TYR: variants seen among roughly 807,000 people sequenced by gnomAD.
TYR encodes tyrosinase.
In TYR, 58 loss-of-function variants were observed where a neutral mutation model predicts 51.5. The ratio of observed to expected loss-of-function variants is 1.13; its 90% CI spans 0.91 to 1.40. The LOEUF is 1.40. TYR is among the 40% of genes most tolerant of loss of function. The probability of loss-of-function intolerance (pLI) is 0.00; values close to 1 mark genes in which losing one functional copy is unlikely to be tolerated. For synonymous variants in TYR, 263 were observed against 235.2 expected, an observed-to-expected ratio of 1.12 and a Z score of -1.08; for missense variants, 732 against 647.4, an observed-to-expected ratio of 1.13 and a Z score of -1.42.
At chr11:89,254,322 T>C (rs1298797558) in intron 3 of TYR, among the ~76,000 whole-genome samples, 1 of 151,790 alleles carries the variant, frequency 6.6e-6, no homozygotes, top group Non-Finnish European at 1.5e-5. Context: ...GGTTTTGGTG[T>C]TCGGGTGATA....
chr11:89,230,409 T>C (rs186495282), intron 3 of TYR, among the ~76,000 whole-genome samples: 1 of 152,144 alleles, frequency 6.6e-6, no homozygotes, highest in African/African-American at 2.4e-5. Context: ...AATATAGGGA[T>C]TAGAAATTGT....
At chr11:89,216,663 A>AT in intron 2 of TYR, among the ~76,000 whole-genome samples, 1 of 150,742 alleles carries the variant, frequency 6.6e-6, no homozygotes, top group Non-Finnish European at 1.5e-5. Flanking sequence ...AAAAAAAAAA[A>AT]AAAAAATAGG....
At chr11:89,235,086 A>T (rs954030379) in intron 3 of TYR, among the ~76,000 whole-genome samples, 5 of 152,288 alleles carry the variant, frequency 3.3e-5, no homozygotes, top group Non-Finnish European at 4.4e-5. Flanking sequence ...AAAAATGCTC[A>T]ATATCACTAA....
chr11:89,195,030 T>C (rs887100743), intron 2 of TYR, among the ~76,000 whole-genome samples: 1 of 152,118 alleles, frequency 6.6e-6, no homozygotes, highest in Admixed American at 6.5e-5. Context: ...ACATCATGAA[T>C]AGGACAGGGA....
At chr11:89,248,533 G>C (rs1482810601) in intron 3 of TYR, among the ~76,000 whole-genome samples, 2 of 152,080 alleles carry the variant, frequency 1.3e-5, no homozygotes, top group Non-Finnish European at 2.9e-5. Flanking sequence ...AGCTTGTCTT[G>C]CTTCAGGTTT....
rs528867966 is a variant in TYR at position 89,217,217 on chromosome 11, G to A, written c.1037-10606G>A. Among the ~76,000 whole-genome samples the A allele has an allele frequency of 5.9e-5, 9 of 152,236 alleles. No individual in the cohort carries two copies. In the East Asian group the frequency reaches 1.5e-3, roughly 26 times the overall value. On this transcript the variant is annotated intron_variant, in intron 2 of 4. Coordinates refer to ENST00000263321, the MANE Select transcript of TYR (RefSeq NM_000372.5). ...AGACCTTTCAAGTTATTAAAAATGC[G>A]AACATTTATTATCTAACTTAGGAAG...
At position 89,178,271 on chromosome 11, in the gene TYR, C is replaced by T; in HGVS notation, c.318C>T (p.Gly106=). 2 of 1,614,170 alleles carry T rather than the reference C, an allele frequency of 1.2e-6. No homozygotes were observed. The highest frequency in any genetic ancestry group is 1.7e-6 in the Non-Finnish European group (2 of 1,180,036). ...MGFNCGNCKF[G]FWGPNCTERR... is the part of the protein sequence containing the mutation. ...TCAACTGTGGAAACTGCAAGTTTGG[C>T]TTTTGGGGACCAAACTGCACAGAGA... The change falls in exon 1 of 5, where the codon GGC becomes GGT. Residue 106 remains glycine (G), a synonymous_variant. Transcript: ENST00000263321.
At chr11:89,191,562 C>A in intron 2 of TYR, 144 bp downstream of exon 2, 1 of 773,368 alleles carries the variant, frequency 1.3e-6, no homozygotes, top group Non-Finnish European at 2.1e-6. Flanking sequence ...TCGACAATGA[C>A]CCTAGCTGAC....
chr11:89,262,846 C>T (rs1353305118), intron 3 of TYR, among the ~76,000 whole-genome samples: 11 of 34,214 alleles, frequency 3.2e-4, no homozygotes, highest in African/African-American at 2.7e-3. Context: ...AGCTACTCAT[C>T]CAAAAAAAAA....
chr11:89,182,794 A>T (rs1430966651), intron 1 of TYR, among the ~76,000 whole-genome samples: 1 of 152,146 alleles, frequency 6.6e-6, no homozygotes, highest in Non-Finnish European at 1.5e-5. Flanking sequence ...ATCTAATGTT[A>T]TGCAACCAAC....
chr11:89,240,644 G>C (rs1308661420), intron 3 of TYR, among the ~76,000 whole-genome samples: 2 of 151,818 alleles, frequency 1.3e-5, no homozygotes, highest in Admixed American at 1.3e-4. Flanking sequence ...ATGAACATTT[G>C]TTTCTTATAC....
chr11:89,251,248 C>T (rs1203074396), intron 3 of TYR, among the ~76,000 whole-genome samples: 1 of 151,864 alleles, frequency 6.6e-6, no homozygotes, highest in African/African-American at 2.4e-5. Flanking sequence ...ATAAGAAATG[C>T]TATTTTGAAA....
At chr11:89,181,155 C>T (rs1943295337) in intron 1 of TYR, among the ~76,000 whole-genome samples, 2 of 152,008 alleles carry the variant, frequency 1.3e-5, no homozygotes, top group African/African-American at 4.8e-5. Context: ...GCTGGGACTA[C>T]AGGGGCCTGC....
chr11:89,214,678 C>T (rs554970847), intron 2 of TYR, among the ~76,000 whole-genome samples: 11 of 152,114 alleles, frequency 7.2e-5, no homozygotes, highest in African/African-American at 1.4e-4. Flanking sequence ...GGCACATATA[C>T]ACCATGGAAT....
At chr11:89,240,655 A>G (rs1799972835) in intron 3 of TYR, among the ~76,000 whole-genome samples, 2 of 152,076 alleles carry the variant, frequency 1.3e-5, no homozygotes, top group Non-Finnish European at 2.9e-5. Flanking sequence ...TTTCTTATAC[A>G]GTAGTACTAT....
chr11:89,270,049 C>A (rs1261210002), intron 3 of TYR, among the ~76,000 whole-genome samples: 2 of 151,912 alleles, frequency 1.3e-5, no homozygotes, highest in African/African-American at 4.8e-5. Flanking sequence ...GGCTTAAAAT[C>A]CTCCAATGGC....
intron 1 of TYR, among the ~76,000 whole-genome samples, chr11:89,185,206 T>TA (rs1175240931): frequency 6.6e-6 from 1 of 152,138 alleles, no homozygotes; most frequent in East Asian, 1.9e-4. Context: ...AAAATAGAGA[T>TA]AAAATCATAA....
At chr11:89,188,124 T>G (rs992574151) in intron 1 of TYR, among the ~76,000 whole-genome samples, 2 of 151,186 alleles carry the variant, frequency 1.3e-5, no homozygotes, top group African/African-American at 4.8e-5. Context: ...CCACTCACAC[T>G]TCCTAGACCT....
chr11:89,256,600 TA>T (rs1360610675), intron 3 of TYR, among the ~76,000 whole-genome samples: 1 of 151,758 alleles, frequency 6.6e-6, no homozygotes, highest in Non-Finnish European at 1.5e-5. Context: ...ATAGCTTAAA[TA>T]GATATTTGAA....
Sources: allele counts gnomAD v4.1 joint callset (sites outside exome capture counted in the v4.1 genomes callset), GRCh38; gene constraint gnomAD v4.1.1; transcripts MANE v1.5; gene names NCBI Gene and HGNC (gene_info 2026-07-23, HGNC 2026-07-21).